Variants in PNPT1 observed in about 807,000 individuals in gnomAD.
PNPT1 encodes the protein polyribonucleotide nucleotidyltransferase 1, mitochondrial.
Under a neutral mutation model 119.5 loss-of-function variants are expected in PNPT1, and 53 were observed. The observed-to-expected ratio is 0.44, with a 90% CI of 0.36 to 0.56. The LOEUF is 0.56. Ranked by LOEUF, PNPT1 falls within the 20% of genes least tolerant of loss-of-function variation. PNPT1 has a pLI of 0.00. For missense variants in PNPT1, 948 were observed against 938.5 expected (o/e 1.01, Z -0.13); for synonymous variants, 357 against 322.1 (o/e 1.11, Z -1.16).
chr2:55,647,704 T>C (rs1696045653), intron 18 of PNPT1, among the ~76,000 whole-genome samples: 1 of 152,040 alleles, frequency 6.6e-6, no homozygotes, highest in African/African-American at 2.4e-5. Context: ...GTATTTTTAG[T>C]GGAGATGGGG....
In PNPT1 at chr2:55,680,425, TAAAAAAAA is replaced by T. The variant is rs35483599; in HGVS notation, c.565+279_565+286del. 0.011 allele frequency among the ~76,000 whole-genome samples: 1,432 copies of T among 132,240 alleles called. 14 individuals are homozygous for T. Among genetic ancestry groups the T allele is most frequent in the Admixed American group, 0.017 (223 of 13,232 alleles). The allele number at this position is 132,240 out of a possible 152,430, so 86.8% of individuals were successfully genotyped here. A position where few individuals can be genotyped will look rare whatever the true frequency, so the allele number is the denominator to read the frequency against. The stretch of plus-strand genomic sequence containing the variant: ...GTATATACTCTGATAATTTCCCAGT[TAAAAAAAA>T]AAAAAAAAAAGAAGTCCTCTAACAG... On this transcript the variant is annotated intron_variant, in intron 7 of 27. Coordinates refer to ENST00000447944, the MANE Select transcript of PNPT1 (RefSeq NM_033109.5).
intron 18 of PNPT1, among the ~76,000 whole-genome samples, chr2:55,648,244 C>T (rs955945544): frequency 1.3e-5 from 2 of 152,092 alleles, no homozygotes; most frequent in African/African-American, 4.8e-5. Flanking sequence ...TGTTCTGCAC[C>T]TTGCCTTTTT....
At chr2:55,672,835 C>T (rs995703829) in intron 9 of PNPT1, 58 bp downstream of exon 9, 1 of 1,483,280 alleles carries the variant, frequency 6.7e-7, no homozygotes, top group African/African-American at 1.4e-5. Context: ...GTTTCTCTCC[C>T]ACGAGGAAAT....
At chr2:55,650,058 C>G (rs1467839664) in intron 18 of PNPT1, among the ~76,000 whole-genome samples, 1 of 150,964 alleles carries the variant, frequency 6.6e-6, no homozygotes, top group African/African-American at 2.4e-5. Context: ...AACTCCACTT[C>G]AAATAGGAGA....
intron 16 of PNPT1, 28 bp from the exon 17 acceptor site, chr2:55,656,248 A>G (rs920366213): frequency 6.2e-7 from 1 of 1,612,024 alleles, no homozygotes; most frequent in Non-Finnish European, 8.5e-7. Flanking sequence ...ACAATAAGTA[A>G]AAAATGTATT....
chr2:55,650,311 T>C (rs1166845584), intron 18 of PNPT1, among the ~76,000 whole-genome samples: 2 of 152,104 alleles, frequency 1.3e-5, no homozygotes, highest in African/African-American at 4.8e-5. Context: ...CCTGACTGGT[T>C]TTCGTATTTT....
Position 55,656,303 on chromosome 2 carries a change from A to G in PNPT1, c.1351+2T>C, listed in dbSNP as rs139776066. The G allele has an allele frequency of 2.5e-6, 4 of 1,611,962 alleles. No individual in the cohort carries two copies. The highest frequency in any genetic ancestry group is 3.4e-6 in the Non-Finnish European group (4 of 1,179,192). On this transcript the variant is annotated splice_donor_variant, in intron 16 of 27. Transcript: ENST00000447944. LOFTEE classifies it high-confidence loss of function. ...GTATTAAGTTTACAGACCTGTACTT[A>G]CCATGCCCAAGTTCTCTTCTATTTA...
chr2:55,647,318 T>G, intron 19 of PNPT1, 29 bp downstream of exon 19: 1 of 1,494,970 alleles, frequency 6.7e-7, no homozygotes, highest in East Asian at 2.3e-5. Context: ...TCTTCATTAT[T>G]AAATATTTGA....
intron 5 of PNPT1, among the ~76,000 whole-genome samples, chr2:55,682,441 A>G (rs754769067): frequency 1.3e-5 from 2 of 152,122 alleles, no homozygotes; most frequent in African/African-American, 2.4e-5. Flanking sequence ...AGCCTGGGTG[A>G]CAGAGGGAGA....
chr2:55,685,043 G>C lies in PNPT1; in HGVS notation c.303C>G (p.Asp101Glu), dbSNP rs1697358717. Residue 101 changes from aspartate to glutamate, a missense_variant, in exon 4 of 28, where the codon GAC becomes GAG. Asp to Glu is a conservative substitution (Grantham distance 45). Coordinates refer to ENST00000447944, the MANE Select transcript of PNPT1 (RefSeq NM_033109.5). Reference sequence around the variant, plus strand: ...CTGCTGCAGCAGCTTTTTGTCTGTAGTCAACCTGAAGCAGCAATAAAAAAA... The same window carrying C: ...CTGCTGCAGCAGCTTTTTGTCTGTACTCAACCTGAAGCAGCAATAAAAAAA... ...SPSQFMPLVV[D>E]YRQKAAAAGR... 1 of 1,582,394 alleles carries C rather than the reference G, an allele frequency of 6.3e-7. No homozygotes were observed.
At chr2:55,686,526 C>A (rs1348806006) in intron 2 of PNPT1, 82 bp from the exon 3 acceptor site, 3 of 972,916 alleles carry the variant, frequency 3.1e-6, no homozygotes, top group Admixed American at 2.6e-5. Context: ...AATCCTTACT[C>A]CAATTAAACT....
chr2:55,687,169 G>A (rs7567115), intron 2 of PNPT1, among the ~76,000 whole-genome samples: 20,766 of 145,810 alleles, frequency 0.14, 2,822 homozygotes, highest in African/African-American at 0.36. Context: ...AACCGAGATC[G>A]CGCCGCTGCA....
chr2:55,645,559 A>G (rs1196061263), intron 21 of PNPT1, 127 bp from the exon 22 acceptor site: 4 of 575,288 alleles, frequency 7.0e-6, no homozygotes, highest in East Asian at 6.1e-5. Context: ...CCACATCCCT[A>G]TTACCTTGAA....
intron 1 of PNPT1, among the ~76,000 whole-genome samples, chr2:55,690,638 A>C (rs901738488): frequency 6.6e-6 from 1 of 152,228 alleles, no homozygotes; most frequent in African/African-American, 2.4e-5. Context: ...TGTACATTTA[A>C]TATATGTTAA....
At chr2:55,681,968 C>T (rs1022369958) in intron 5 of PNPT1, among the ~76,000 whole-genome samples, 2 of 151,904 alleles carry the variant, frequency 1.3e-5, no homozygotes, top group African/African-American at 2.4e-5. Context: ...GGTGAAACCC[C>T]GTCTCTACTA....
chr2:55,667,830 A>T lies in PNPT1; in HGVS notation c.1073+32T>A, dbSNP rs1339808064. ...AAGGCAACTTGCAGAGACAGTGCAT[A>T]CTTCAATTTCAACAAAAAAGGGTAT... On this transcript the variant is annotated intron_variant, in intron 12 of 27. Coordinates refer to ENST00000447944, the MANE Select transcript of PNPT1 (RefSeq NM_033109.5). 5.0e-6 allele frequency: 8 copies of T among 1,588,514 alleles called. No homozygotes were observed. In the South Asian group the frequency reaches 9.3e-5, roughly 18 times the overall value.
intron 18 of PNPT1, among the ~76,000 whole-genome samples, chr2:55,652,662 A>G (rs979663444): frequency 3.9e-5 from 6 of 152,200 alleles, no homozygotes; most frequent in African/African-American, 1.4e-4. Flanking sequence ...TATTTAGTCT[A>G]AATTTCTGCA....
chr2:55,639,718 T>C (rs1440870905), intron 26 of PNPT1, among the ~76,000 whole-genome samples: 1 of 152,210 alleles, frequency 6.6e-6, no homozygotes, highest in African/African-American at 2.4e-5. Flanking sequence ...TATTGAAATT[T>C]TTGCCATATA....
chr2:55,686,325 T>C (rs769246086), intron 3 of PNPT1, 45 bp downstream of exon 3: 1 of 1,531,628 alleles, frequency 6.5e-7, no homozygotes, highest in Non-Finnish European at 9.0e-7. Context: ...ATTCTACACT[T>C]TACTCAGACC....
Sources: allele counts gnomAD v4.1 joint callset (sites outside exome capture counted in the v4.1 genomes callset), GRCh38; gene constraint gnomAD v4.1.1; transcripts MANE v1.5; gene names NCBI Gene and HGNC (gene_info 2026-07-23, HGNC 2026-07-21).